Variants in MSH3 observed in about 807,000 individuals in gnomAD.
MSH3 encodes the protein mutS homolog 3.
MSH3 carries 106 observed loss-of-function variants against 123.3 expected under a neutral mutation model. That is an observed-to-expected ratio of 0.86 (90% CI 0.73 to 1.01). The LOEUF is 1.01. Ranked by LOEUF, MSH3 falls within the 50% of genes least tolerant of loss-of-function variation. The pLI, the probability that MSH3 is intolerant of heterozygous loss-of-function variation, is 0.00. For synonymous variants in MSH3, 515 were observed against 481.4 expected (o/e 1.07, Z -0.91); for missense variants, 1,459 against 1,347.6 (o/e 1.08, Z -1.29).
At chr5:80,755,863 G>A (rs1488764096) in intron 12 of MSH3, among the ~76,000 whole-genome samples, 1 of 152,132 alleles carries the variant, frequency 6.6e-6, no homozygotes, top group Admixed American at 6.6e-5. Context: ...TGACAAATAC[G>A]TCTTGACCTG....
intron 8 of MSH3, among the ~76,000 whole-genome samples, chr5:80,697,224 G>GAGCC (rs1412906918): frequency 6.6e-6 from 1 of 152,256 alleles, no homozygotes; most frequent in African/African-American, 2.4e-5. Context: ...TGGATTCAGA[G>GAGCC]AGCCCAGAGG....
chr5:80,793,938 T>C (rs1319206424), intron 19 of MSH3, among the ~76,000 whole-genome samples: 2 of 152,084 alleles, frequency 1.3e-5, no homozygotes, highest in East Asian at 3.9e-4. Context: ...AAGAGTCCAG[T>C]GTGAACTGAA....
intron 20 of MSH3, among the ~76,000 whole-genome samples, chr5:80,826,531 C>CCTCCT (rs1439787570): frequency 6.7e-6 from 1 of 148,624 alleles, no homozygotes; most frequent in Non-Finnish European, 1.5e-5. Flanking sequence ...ACGCTATAAA[C>CCTCCT]AGACAGGAGG....
intron 8 of MSH3, among the ~76,000 whole-genome samples, chr5:80,691,963 A>ATGTTTATATAGATAAACATGTG (rs1750275005): frequency 1.5e-5 from 1 of 65,674 alleles, no homozygotes; most frequent in South Asian, 4.6e-4. Context: ...ATAAACATGT[A>ATGTTTATATAGATAAACATGTG]TATGTTTATA....
At chr5:80,836,543 CAAAA>C (rs71603568) in intron 20 of MSH3, among the ~76,000 whole-genome samples, 124 of 118,790 alleles carry the variant, frequency 1.0e-3, no homozygotes, top group Non-Finnish European at 1.3e-3. Flanking sequence ...GAATATGCCA[CAAAA>C]AAAAAAAAAA....
At chr5:80,655,461 T>A (rs1650696) in intron 1 of MSH3, 53,997 of 212,378 alleles carry the variant, frequency 0.25, 7,328 homozygotes, top group Middle Eastern at 0.38. Flanking sequence ...CCCAGTGAAC[T>A]CTTTTTGTAG....
chr5:80,864,876 T>C lies in MSH3; in HGVS notation c.3064T>C (p.Ser1022Pro). 1 of 1,613,440 alleles carries C rather than the reference T, an allele frequency of 6.2e-7. No individual in the cohort carries two copies. The highest frequency in any genetic ancestry group is 1.1e-5 in the South Asian group (1 of 91,064). Residue 1022 changes from serine (S) to proline (P), a missense_variant, in exon 22 of 24, where the codon TCA (serine) becomes CCA (proline). Physicochemically the swap from Ser to Pro is moderately conservative, Grantham distance 74. Transcript: ENST00000265081. The part of the protein sequence containing the change: ...PPVCELEKNY[S>P]HQVGNYHMGF... ...AGTTTGTGAACTAGAAAAAAATTAC[T>C]CACACCAGGTGGGGAATTACCACAT...
At chr5:80,782,717 C>T (rs577211905) in intron 17 of MSH3, among the ~76,000 whole-genome samples, 1 of 152,156 alleles carries the variant, frequency 6.6e-6, no homozygotes, top group Admixed American at 6.5e-5. Context: ...CAACTAGAGC[C>T]CCCACTTGAG....
chr5:80,789,569 C>T (rs1744573686), intron 18 of MSH3, among the ~76,000 whole-genome samples: 1 of 152,078 alleles, frequency 6.6e-6, no homozygotes, highest in Non-Finnish European at 1.5e-5. Context: ...TGGGGTTTTA[C>T]CATGTTGGCC....
chr5:80,690,020 T>C (rs1362822245), intron 8 of MSH3, among the ~76,000 whole-genome samples: 2 of 152,070 alleles, frequency 1.3e-5, no homozygotes. Context: ...CTGAGCAGCA[T>C]ACTAATCAGG....
At chr5:80,834,460 A>C (rs1561493367) in intron 20 of MSH3, among the ~76,000 whole-genome samples, 1 of 150,068 alleles carries the variant, frequency 6.7e-6, no homozygotes, top group African/African-American at 2.4e-5. Context: ...GAAATGCTAA[A>C]ATGGTAAATT....
In MSH3 at chr5:80,767,327, G is replaced by A. The variant is rs139161779; in HGVS notation, c.1897-606G>A. On this transcript the variant is annotated intron_variant, in intron 13 of 23. Transcript: ENST00000265081. ...TGTTTTTCAAAAAGGTTAGTCCTCT[G>A]CTAAGAGTATATAAAAGTGTCTTTT... is the stretch of plus-strand genomic sequence containing the variant. Among the ~76,000 whole-genome samples the A allele has an allele frequency of 1.7e-3, 262 of 152,250 alleles. 2 individuals are homozygous for A. The highest frequency in any genetic ancestry group is 6.0e-3 in the African/African-American group (249 of 41,560).
At chr5:80,822,416 T>C (rs1273454482) in intron 20 of MSH3, among the ~76,000 whole-genome samples, 1 of 152,202 alleles carries the variant, frequency 6.6e-6, no homozygotes. Flanking sequence ...ACATTGTAGG[T>C]ACCTAGTAAA....
At chr5:80,852,274 G>A (rs574859592) in intron 20 of MSH3, among the ~76,000 whole-genome samples, 1 of 152,266 alleles carries the variant, frequency 6.6e-6, no homozygotes, top group African/African-American at 2.4e-5. Flanking sequence ...GCAGTGAGCT[G>A]TTATCACTGC....
chr5:80,838,916 C>T (rs1745565609), intron 20 of MSH3, among the ~76,000 whole-genome samples: 1 of 152,030 alleles, frequency 6.6e-6, no homozygotes, highest in African/African-American at 2.4e-5. Flanking sequence ...GCTCCTTTTT[C>T]AATGAGACAG....
At chr5:80,730,965 C>T (rs1199768172) in intron 10 of MSH3, among the ~76,000 whole-genome samples, 2 of 141,016 alleles carry the variant, frequency 1.4e-5, no homozygotes, top group African/African-American at 2.7e-5. Flanking sequence ...TATAGTGGTG[C>T]GATCTCAGCT....
At chr5:80,720,137 G>A (rs933706911) in intron 8 of MSH3, among the ~76,000 whole-genome samples, 3 of 152,142 alleles carry the variant, frequency 2.0e-5, no homozygotes. Flanking sequence ...TCTATTGTCT[G>A]TAGGGTAAAA....
chr5:80,697,117 A>G (rs1171736024), intron 8 of MSH3, among the ~76,000 whole-genome samples: 1 of 152,184 alleles, frequency 6.6e-6, no homozygotes, highest in African/African-American at 2.4e-5. Flanking sequence ...ATTAGTTCAT[A>G]TTTCCTTCTT....
intron 21 of MSH3, among the ~76,000 whole-genome samples, chr5:80,859,726 T>TG (rs1380921386): frequency 1.3e-5 from 2 of 150,978 alleles, no homozygotes; most frequent in Non-Finnish European, 3.0e-5. Context: ...TTTTTTTTTT[T>TG]TGTTTTTTGT....
Sources: gnomAD v4.1 joint callset for allele counts (sites outside exome capture counted in the v4.1 genomes callset) on GRCh38, gnomAD v4.1.1 for gene constraint, MANE v1.5 for transcripts, NCBI Gene and HGNC (gene_info 2026-07-23, HGNC 2026-07-21) for gene names.